The following RAD54B variants were observed in gnomAD, a reference collection of about 807,000 sequenced individuals.
RAD54B encodes RAD54 homolog B, also known as DNA repair and recombination protein RAD54B.
A neutral mutation model predicts 95.8 loss-of-function variants in RAD54B; 78 were observed. The ratio of observed to expected loss-of-function variants is 0.81; its 90% confidence interval spans 0.68 to 0.98. The LOEUF is 0.98. Ranked by LOEUF, RAD54B falls within the 50% of genes least tolerant of loss-of-function variation. The pLI is 0.00. For synonymous variants in RAD54B, 328 were observed against 354.9 expected (o/e 0.92, Z 0.85); for missense variants, 957 against 1,056.6 (o/e 0.91, Z 1.31).
At chr8:94,431,316 T>C (rs973006988) in intron 3 of RAD54B, 3 of 976,420 alleles carry the variant, frequency 3.1e-6, no homozygotes, top group Non-Finnish European at 3.7e-6. Context: ...AAATATATAA[T>C]AGCTTCAATG....
At chr8:94,448,937 C>T (rs79109868) in intron 3 of RAD54B, among the ~76,000 whole-genome samples, 3,387 of 151,996 alleles carry the variant, frequency 0.022, 116 homozygotes, top group African/African-American at 0.076. Context: ...TGGTCACACA[C>T]AAAAAACAGT....
At chr8:94,472,383 G>A (rs1044934182) in intron 1 of RAD54B, among the ~76,000 whole-genome samples, 1 of 152,168 alleles carries the variant, frequency 6.6e-6, no homozygotes, top group African/African-American at 2.4e-5. Context: ...ATGGATGTTA[G>A]GCCTTGCACT....
At chr8:94,428,551 G>A in intron 3 of RAD54B, 1 of 257,872 alleles carries the variant, frequency 3.9e-6, no homozygotes, top group East Asian at 1.8e-4. Flanking sequence ...ATAGTTGTTA[G>A]GATACAGGAC....
At chr8:94,403,584 C>A (rs1822992081) in intron 6 of RAD54B, among the ~76,000 whole-genome samples, 1 of 150,508 alleles carries the variant, frequency 6.6e-6, no homozygotes, top group African/African-American at 2.5e-5. Flanking sequence ...GGCTGAGATG[C>A]AAGAATCACT....
rs1341669164 is a variant in RAD54B at position 94,404,094 on chromosome 8, T to C, written c.927A>G (p.Glu309=). Residue 309 remains glutamate, a synonymous_variant, in exon 6 of 15, where the codon GAA becomes GAG. Coordinates refer to ENST00000336148, the MANE Select transcript of RAD54B (RefSeq NM_012415.3). The part of the protein sequence containing the change: ...HQKEGIIFLY[E]CVMGMRMNGR... Reference sequence around the variant, plus strand: ...TTTCCTACCTCATTCCCATTACACATTCATAAAGGAATATGATTCCTTCTT... The same window carrying C: ...TTTCCTACCTCATTCCCATTACACACTCATAAAGGAATATGATTCCTTCTT... The C allele has an allele frequency of 1.9e-6, 3 of 1,601,478 alleles. No individual in the cohort carries two copies. In the African/African-American group the frequency reaches 4.0e-5, roughly 22 times the overall value.
At chr8:94,393,064 C>T (rs1003967117) in intron 9 of RAD54B, among the ~76,000 whole-genome samples, 4 of 151,774 alleles carry the variant, frequency 2.6e-5, no homozygotes, top group African/African-American at 9.7e-5. Context: ...CCTAGTGATC[C>T]ACCCACCTCA....
chr8:94,467,023 G>A (rs1813040476), intron 2 of RAD54B, among the ~76,000 whole-genome samples: 1 of 152,140 alleles, frequency 6.6e-6, no homozygotes, highest in South Asian at 2.1e-4. Flanking sequence ...TGACCTCCCA[G>A]GCTCAAGTCA....
chr8:94,458,164 T>G (rs1334896342), intron 3 of RAD54B, 104 bp downstream of exon 3: 6 of 1,094,076 alleles, frequency 5.5e-6, no homozygotes, highest in Non-Finnish European at 7.7e-6. Flanking sequence ...TGGTATTACA[T>G]CAACAATTTT....
chr8:94,412,177 A>ACC (rs1327736865), intron 3 of RAD54B, among the ~76,000 whole-genome samples: 2 of 152,120 alleles, frequency 1.3e-5, no homozygotes, highest in African/African-American at 4.8e-5. Context: ...CTCCGGGTTT[A>ACC]CCCATGTTGT....
intron 4 of RAD54B, among the ~76,000 whole-genome samples, chr8:94,409,953 T>C (rs1345024228): frequency 2.0e-5 from 3 of 152,142 alleles, no homozygotes; most frequent in African/African-American, 4.8e-5. Flanking sequence ...ATGTGTACTA[T>C]CTATTTTTCT....
At chr8:94,444,410 T>TAAAAAAAAAA (rs61282884) in intron 3 of RAD54B, among the ~76,000 whole-genome samples, 2 of 137,914 alleles carry the variant, frequency 1.5e-5, no homozygotes, top group African/African-American at 2.7e-5. Flanking sequence ...TTTTAATAGT[T>TAAAAAAAAAA]AAAAAAAAAA....
rs183044652 is a variant in RAD54B at position 94,465,573 on chromosome 8, A to G, written c.135+1832T>C. Among the ~76,000 whole-genome samples, 8 of 152,328 alleles carry G rather than the reference A, an allele frequency of 5.3e-5. No homozygotes were observed. In the East Asian group the frequency reaches 1.2e-3, roughly 22 times the overall value. ...CACACATTCCTGATGAAGATGTAAA[A>G]TGGTACAGCTATGAAAAACAGTTTG... On this transcript the variant is annotated intron_variant, in intron 2 of 14. Coordinates refer to ENST00000336148, the MANE Select transcript of RAD54B (RefSeq NM_012415.3).
At chr8:94,438,874 T>C (rs183483689) in intron 3 of RAD54B, among the ~76,000 whole-genome samples, 2 of 152,148 alleles carry the variant, frequency 1.3e-5, no homozygotes, top group Non-Finnish European at 2.9e-5. Flanking sequence ...CAAGGATTAC[T>C]TGAGCACATG....
At position 94,380,358 on chromosome 8, in the gene RAD54B, T is replaced by G; in HGVS notation, c.2034A>C (p.Glu678Asp). 6.2e-7 allele frequency: 1 copy of G among 1,613,798 alleles called. No homozygotes were observed. The highest frequency in any genetic ancestry group is 8.5e-7 in the Non-Finnish European group (1 of 1,179,784). Residue 678 changes from glutamate (E) to aspartate (D), a missense_variant, in exon 12 of 15, where the codon GAA becomes GAC. Physicochemically the swap from Glu to Asp is conservative, Grantham distance 45. Coordinates refer to ENST00000336148, the MANE Select transcript of RAD54B (RefSeq NM_012415.3). ...AAGCATATCCATGACGCTTACATAC[T>G]TCTTGTAAAATGTTCAAGGTTTGTG... ...NYTQTLNILQ[E>D]VCKRHGYAYT...
intron 3 of RAD54B, among the ~76,000 whole-genome samples, chr8:94,453,328 A>G (rs1356263085): frequency 2.0e-5 from 3 of 152,164 alleles, no homozygotes; most frequent in Non-Finnish European, 2.9e-5. Flanking sequence ...CAGGAGTTCA[A>G]AACCAGCCTG....
At chr8:94,413,873 T>C (rs1335795775) in intron 3 of RAD54B, among the ~76,000 whole-genome samples, 1 of 150,220 alleles carries the variant, frequency 6.7e-6, no homozygotes, top group Non-Finnish European at 1.5e-5. Flanking sequence ...TTTTGCTCTG[T>C]AGCCCAGGCT....
At position 94,452,549 on chromosome 8, in the gene RAD54B, A is replaced by C. The variant is rs1290903068; in HGVS notation, c.304+5719T>G. ...TAGAGTCTGCACTCACCCAGGCTGG[A>C]GTGCAATGGTGCTATCTCAGCTCAC... On this transcript the variant is annotated intron_variant, in intron 3 of 14. Coordinates refer to ENST00000336148, the MANE Select transcript of RAD54B (RefSeq NM_012415.3). Among the ~76,000 whole-genome samples the C allele has an allele frequency of 8.6e-5, 13 of 150,798 alleles. 1 individual carries two copies. The East Asian group carries it at 2.5e-3, about 29-fold the overall frequency.
chr8:94,413,120 G>A (rs1209163543), intron 3 of RAD54B, among the ~76,000 whole-genome samples: 5 of 152,054 alleles, frequency 3.3e-5, no homozygotes, highest in African/African-American at 1.2e-4. Flanking sequence ...ATTCAATTTT[G>A]TTAAGATAGT....
rs751860114 is a variant in RAD54B, at chr8:94,467,553, G to A, written c.-14C>T. 2 of 1,602,804 alleles carry A rather than the reference G, an allele frequency of 1.2e-6. No individual in the cohort carries two copies. Among genetic ancestry groups the A allele is most frequent in the South Asian group, 2.2e-5 (2 of 89,402 alleles). ...AGATCGTCTCATATTCAGCAGTCGT[G>A]ACCTGAAAAATACCCAAAACAGTTA... On this transcript the variant is annotated splice_region_variant and 5_prime_UTR_variant, in exon 2 of 15. Transcript: ENST00000336148.
Sources: allele counts gnomAD v4.1 joint callset (sites outside exome capture counted in the v4.1 genomes callset), GRCh38; gene constraint gnomAD v4.1.1; transcripts MANE v1.5; gene names NCBI Gene and HGNC (gene_info 2026-07-23, HGNC 2026-07-21).